The following MAP7D2 variants were observed in gnomAD, a reference collection of about 807,000 sequenced individuals.
MAP7D2 encodes the protein MAP7 domain containing 2, also known as MAP7 domain-containing protein 2.
MAP7D2 carries 33 observed loss-of-function variants against 63.5 expected under a neutral mutation model. The ratio of observed to expected loss-of-function variants is 0.52; its 90% CI spans 0.39 to 0.70. The LOEUF is 0.70. Among genes scored for constraint, MAP7D2 ranks in the 30% least tolerant of loss-of-function variants. MAP7D2 has a pLI of 0.00. For synonymous variants in MAP7D2, 224 were observed against 223.7 expected, an observed-to-expected ratio of 1.00 and a Z score of -0.01; for missense variants, 626 against 604.0, an observed-to-expected ratio of 1.04 and a Z score of -0.38.
chrX:20,047,921 T>C (rs1178766231), intron 6 of MAP7D2, among the ~76,000 whole-genome samples: 1 of 111,396 alleles, frequency 9.0e-6, no homozygotes, highest in Non-Finnish European at 1.9e-5. Flanking sequence ...CTTTAACTGC[T>C]AAGTCCCAGA....
chrX:20,068,078 T>C (rs779625874), intron 1 of MAP7D2, among the ~76,000 whole-genome samples: 124 of 112,508 alleles, frequency 1.1e-3, no homozygotes, highest in Middle Eastern at 4.6e-3. Flanking sequence ...TGGCCGTCTC[T>C]TTCTTTTTTA....
intron 1 of MAP7D2, among the ~76,000 whole-genome samples, chrX:20,111,071 A>T (rs939078794): frequency 1.8e-5 from 2 of 111,772 alleles, no homozygotes; most frequent in Non-Finnish European, 3.8e-5. Flanking sequence ...TAGAAAGTCC[A>T]GGACAGACTC....
Position 20,012,521 on chromosome X carries a change from T to C in MAP7D2, c.1900A>G (p.Asn634Asp). The change falls in exon 15 of 17, where the codon AAC becomes GAC. Residue 634 changes from asparagine to aspartate, a missense_variant. Physicochemically the swap from Asn to Asp is conservative, Grantham distance 23 (BLOSUM62 1). Coordinates refer to ENST00000379643, the MANE Select transcript of MAP7D2 (RefSeq NM_001168465.2). Reference sequence around the variant, plus strand: ...ACACCATTAACTTCCTGGCAGGTGTTCAATCCATTGATTTCTGATCGAGAA... The same window carrying C: ...ACACCATTAACTTCCTGGCAGGTGTCCAATCCATTGATTTCTGATCGAGAA... The part of the protein sequence containing the change: ...VPNKMEINGL[N>D]TCQEVNGVDH... 5 of 1,183,124 alleles carry C rather than the reference T, an allele frequency of 4.2e-6. No homozygotes were observed. Among genetic ancestry groups the C allele is most frequent in the Non-Finnish European group, 5.7e-6 (5 of 881,065 alleles).
chrX:20,094,496 ATATATATATATATATATATG>A (rs1245930128), intron 1 of MAP7D2, among the ~76,000 whole-genome samples: 12 of 17,893 alleles, frequency 6.7e-4, no homozygotes, highest in African/African-American at 1.8e-3. Context: ...ACATATATAT[ATATATATATATATATATATG>A]TATATATATA....
chrX:20,113,948 C>A (rs934210744), intron 1 of MAP7D2, among the ~76,000 whole-genome samples: 1 of 111,151 alleles, frequency 9.0e-6, no homozygotes, highest in Non-Finnish European at 1.9e-5. Context: ...TTTTTTATAC[C>A]CATTAACCAT....
At chrX:20,114,212 T>C (rs756161058) in intron 1 of MAP7D2, among the ~76,000 whole-genome samples, 1 of 112,126 alleles carries the variant, frequency 8.9e-6, no homozygotes, top group South Asian at 3.7e-4. Context: ...TTCGTATTTT[T>C]AGTAGAGATA....
intron 15 of MAP7D2, 81 bp downstream of exon 15, chrX:20,012,268 T>G: frequency 1.3e-6 from 1 of 794,715 alleles, no homozygotes; most frequent in Non-Finnish European, 1.8e-6. Context: ...TTTGGTTGTA[T>G]AAAAGACGAA....
chrX:20,058,403 A>C (rs1272059204), intron 3 of MAP7D2, among the ~76,000 whole-genome samples: 3 of 112,439 alleles, frequency 2.7e-5, no homozygotes, highest in African/African-American at 9.7e-5. Flanking sequence ...GGGTTACGGT[A>C]GATTTCCTAC....
At chrX:20,045,000 T>C (rs2064757247) in intron 6 of MAP7D2, among the ~76,000 whole-genome samples, 1 of 111,456 alleles carries the variant, frequency 9.0e-6, no homozygotes. Context: ...GCATCTGCTT[T>C]TCTTGTGGGA....
At chrX:20,037,608 G>A (rs2064531588) in intron 8 of MAP7D2, among the ~76,000 whole-genome samples, 3 of 112,099 alleles carry the variant, frequency 2.7e-5, no homozygotes, top group Non-Finnish European at 3.8e-5. Flanking sequence ...GCACAACTCC[G>A]AGCACTGCAC....
At chrX:20,047,590 TCG>T (rs2046354063) in intron 6 of MAP7D2, among the ~76,000 whole-genome samples, 1 of 103,623 alleles carries the variant, frequency 9.7e-6, no homozygotes, top group African/African-American at 3.6e-5. Context: ...GGTGGGAGGA[TCG>T]CTTGAGTCCC....
At chrX:20,070,810 G>A (rs1331373550) in intron 1 of MAP7D2, among the ~76,000 whole-genome samples, 3 of 111,879 alleles carry the variant, frequency 2.7e-5, no homozygotes, top group Non-Finnish European at 5.6e-5. Flanking sequence ...CTGGGCTGCA[G>A]GAACACATTT....
At chrX:20,108,327 C>T (rs746868389) in intron 1 of MAP7D2, among the ~76,000 whole-genome samples, 5 of 109,729 alleles carry the variant, frequency 4.6e-5, no homozygotes, top group Non-Finnish European at 9.5e-5. Context: ...CTCCACCTCC[C>T]TGGTTCAAGC....
chrX:20,027,757 G>GGAGAGAGAGAGAGAGAGAGA (rs56796954), intron 8 of MAP7D2, among the ~76,000 whole-genome samples: 6 of 76,252 alleles, frequency 7.9e-5, no homozygotes, highest in African/African-American at 2.8e-4. Flanking sequence ...GAAGGCGGGG[G>GGAGAGAGAGAGAGAGAGAGA]GAGAGAGAGA....
intron 10 of MAP7D2, among the ~76,000 whole-genome samples, chrX:20,018,049 C>G (rs1398109378): frequency 9.3e-6 from 1 of 108,047 alleles, no homozygotes; most frequent in Admixed American, 1.0e-4. Flanking sequence ...TCACCACAAC[C>G]TCTGCCTCCC....
chrX:20,058,146 T>C (rs1005312670), intron 3 of MAP7D2, among the ~76,000 whole-genome samples: 1 of 112,541 alleles, frequency 8.9e-6, no homozygotes, highest in Non-Finnish European at 1.9e-5. Context: ...TGAGTATGCA[T>C]GCCTTGGCAG....
intron 10 of MAP7D2, among the ~76,000 whole-genome samples, chrX:20,023,179 A>G (rs1325212217): frequency 8.9e-6 from 1 of 112,872 alleles, no homozygotes; most frequent in Non-Finnish European, 1.9e-5. Flanking sequence ...AAAACAAGAC[A>G]AAGGGAAAAT....
intron 1 of MAP7D2, among the ~76,000 whole-genome samples, chrX:20,097,069 C>T (rs967040709): frequency 2.5e-4 from 28 of 111,153 alleles, no homozygotes; most frequent in African/African-American, 9.2e-4. Flanking sequence ...CCCCCTAGAC[C>T]GGCACTGTCC....
intron 8 of MAP7D2, among the ~76,000 whole-genome samples, chrX:20,036,394 C>T (rs1163478617): frequency 8.4e-5 from 9 of 107,634 alleles, no homozygotes; most frequent in African/African-American, 3.0e-4. Context: ...AGGTGCGTGC[C>T]ACCACGCCTG....
Sources: allele counts gnomAD v4.1 joint callset (sites outside exome capture counted in the v4.1 genomes callset), GRCh38; gene constraint gnomAD v4.1.1; transcripts MANE v1.5; gene names NCBI Gene and HGNC (gene_info 2026-07-23, HGNC 2026-07-21).